The following GNA14 variants were observed in gnomAD, a reference collection of about 807,000 sequenced individuals.
The protein encoded by GNA14 is G protein subunit alpha 14.
A neutral mutation model predicts 42.0 loss-of-function variants in GNA14; 50 were observed. That is an observed-to-expected ratio of 1.19 (90% CI 0.95 to 1.51). GNA14 has a LOEUF of 1.51. Ranked by LOEUF, GNA14 falls within the 40% of genes most tolerant of loss-of-function variation. GNA14 has a pLI of 0.00. For missense variants in GNA14, 473 were observed against 446.2 expected, an observed-to-expected ratio of 1.06 and a Z score of -0.54; for synonymous variants, 173 against 163.1, an observed-to-expected ratio of 1.06 and a Z score of -0.46.
At chr9:77,631,928 TG>T (rs1030047929) in intron 1 of GNA14, among the ~76,000 whole-genome samples, 5 of 151,974 alleles carry the variant, frequency 3.3e-5, no homozygotes, top group Non-Finnish European at 5.9e-5. Context: ...TGAGTTGGGG[TG>T]GAAGCTGCCT....
chr9:77,630,760 A>C (rs1279926135), intron 1 of GNA14, among the ~76,000 whole-genome samples: 2 of 152,228 alleles, frequency 1.3e-5, no homozygotes, highest in Admixed American at 1.3e-4. Context: ...CAACTAAAAC[A>C]TGCAGCTACA....
chr9:77,611,022 G>A (rs1464524416), intron 1 of GNA14, among the ~76,000 whole-genome samples: 1 of 152,134 alleles, frequency 6.6e-6, no homozygotes, highest in African/African-American at 2.4e-5. Context: ...TAGAAAGATA[G>A]GAAGTAAGTA....
intron 2 of GNA14, among the ~76,000 whole-genome samples, chr9:77,510,346 T>G (rs1200946883): frequency 1.3e-5 from 2 of 152,172 alleles, no homozygotes; most frequent in Non-Finnish European, 1.5e-5. Context: ...CACTTTATTT[T>G]ATTATTTTTG....
At chr9:77,448,049 C>T (rs1199740643) in intron 2 of GNA14, among the ~76,000 whole-genome samples, 3 of 152,172 alleles carry the variant, frequency 2.0e-5, no homozygotes, top group Non-Finnish European at 4.4e-5. Flanking sequence ...GGGTAAACTG[C>T]AGCTGATGGG....
chr9:77,597,794 C>G (rs780700610), intron 1 of GNA14, among the ~76,000 whole-genome samples: 1 of 151,978 alleles, frequency 6.6e-6, no homozygotes, highest in Non-Finnish European at 1.5e-5. Context: ...GGCATGGTGG[C>G]TAACGCCTAT....
intron 1 of GNA14, among the ~76,000 whole-genome samples, chr9:77,568,232 C>T (rs1002424907): frequency 6.6e-6 from 1 of 152,060 alleles, no homozygotes; most frequent in Non-Finnish European, 1.5e-5. Context: ...GGGGGGATCA[C>T]TTGAGGTCAG....
intron 2 of GNA14, among the ~76,000 whole-genome samples, chr9:77,519,632 A>G (rs575728852): frequency 6.6e-6 from 1 of 152,214 alleles, no homozygotes; most frequent in East Asian, 1.9e-4. Context: ...GAAATAAGAG[A>G]CACTGGAGAC....
At chr9:77,510,682 G>A (rs893546829) in intron 2 of GNA14, among the ~76,000 whole-genome samples, 5 of 152,196 alleles carry the variant, frequency 3.3e-5, no homozygotes, top group African/African-American at 9.6e-5. Context: ...ATCTCACCAA[G>A]GAGCAAGCCT....
intron 1 of GNA14, among the ~76,000 whole-genome samples, chr9:77,632,428 A>T (rs1824112625): frequency 6.6e-6 from 1 of 152,164 alleles, no homozygotes; most frequent in Admixed American, 6.5e-5. Context: ...ACCCATGGCC[A>T]CCCATGGACC....
intron 1 of GNA14, among the ~76,000 whole-genome samples, chr9:77,589,696 A>C (rs2117883643): frequency 6.6e-6 from 1 of 152,300 alleles, no homozygotes; most frequent in South Asian, 2.1e-4. Context: ...TGCCTAAAGC[A>C]ACCATGATAG....
rs1009810676 is a variant in GNA14 at position 77,465,335 on chromosome 9, T to C, written c.310-30813A>G. On this transcript the variant is annotated intron_variant, in intron 2 of 6. Coordinates refer to ENST00000341700, the MANE Select transcript of GNA14 (RefSeq NM_004297.4). Reference sequence around the variant, plus strand: ...ATGTTTTCCAGGTTCCTCCCTGCTGTAGGGCATGTACTTCATCTCTTTTTA... The same window carrying C: ...ATGTTTTCCAGGTTCCTCCCTGCTGCAGGGCATGTACTTCATCTCTTTTTA... Among the ~76,000 whole-genome samples, 3 of 152,362 alleles carry C rather than the reference T, an allele frequency of 2.0e-5. No homozygotes were observed. In the South Asian group the frequency reaches 6.2e-4, roughly 32 times the overall value.
intron 2 of GNA14, among the ~76,000 whole-genome samples, chr9:77,471,224 C>T (rs1323442351): frequency 2.0e-5 from 3 of 152,150 alleles, no homozygotes; most frequent in African/African-American, 4.8e-5. Flanking sequence ...TTAAGGAGAA[C>T]TTTGCATGCT....
intron 2 of GNA14, among the ~76,000 whole-genome samples, chr9:77,469,262 G>A (rs1033545981): frequency 2.0e-5 from 3 of 151,344 alleles, no homozygotes; most frequent in Non-Finnish European, 4.4e-5. Flanking sequence ...AAAGCTGGGA[G>A]AGGAGGGTGG....
At chr9:77,463,721 A>T (rs967758495) in intron 2 of GNA14, among the ~76,000 whole-genome samples, 1 of 152,196 alleles carries the variant, frequency 6.6e-6, no homozygotes, top group African/African-American at 2.4e-5. Context: ...TGGCAGAATC[A>T]TGCCAGGTTC....
chr9:77,436,714 C>A (rs1275624004), intron 2 of GNA14, among the ~76,000 whole-genome samples: 1 of 152,190 alleles, frequency 6.6e-6, no homozygotes. Flanking sequence ...GTCTTCATGG[C>A]AGGCCAGGAA....
chr9:77,583,129 T>G (rs1479883111), intron 1 of GNA14, among the ~76,000 whole-genome samples: 1 of 152,200 alleles, frequency 6.6e-6, no homozygotes, highest in Non-Finnish European at 1.5e-5. Context: ...GCACAAGAAC[T>G]TCACCCTATC....
chr9:77,538,765 G>T (rs1006811875), intron 1 of GNA14, among the ~76,000 whole-genome samples: 7 of 151,956 alleles, frequency 4.6e-5, no homozygotes, highest in African/African-American at 1.7e-4. Flanking sequence ...ACTAATTTTT[G>T]TATGTTGATT....
chr9:77,437,882 G>C (rs1419004934), intron 2 of GNA14, among the ~76,000 whole-genome samples: 1 of 152,212 alleles, frequency 6.6e-6, no homozygotes, highest in African/African-American at 2.4e-5. Flanking sequence ...AACTTCAGGG[G>C]CAGTTGTTAG....
At chr9:77,567,447 A>T (rs1208051572) in intron 1 of GNA14, among the ~76,000 whole-genome samples, 1 of 152,236 alleles carries the variant, frequency 6.6e-6, no homozygotes, top group Non-Finnish European at 1.5e-5. Flanking sequence ...TCCTGAATTC[A>T]TTCTCAGTAT....
Sources: allele counts gnomAD v4.1 joint callset (sites outside exome capture counted in the v4.1 genomes callset), GRCh38; gene constraint gnomAD v4.1.1; transcripts MANE v1.5; gene names NCBI Gene and HGNC (gene_info 2026-07-23, HGNC 2026-07-21).